The following DACH2 variants were observed in gnomAD, a reference collection of about 807,000 sequenced individuals.
DACH2 encodes dachshund homolog 2.
Under a neutral mutation model 35.8 loss-of-function variants are expected in DACH2, and 17 were observed. The ratio of observed to expected loss-of-function variants is 0.48; its 90% CI spans 0.33 to 0.71. DACH2 has a LOEUF of 0.71. Ranked by LOEUF, DACH2 falls within the 30% of genes least tolerant of loss-of-function variation. DACH2 has a pLI of 0.02. For missense variants in DACH2, 469 were observed against 472.7 expected (o/e 0.99, Z 0.07); for synonymous variants, 195 against 177.3 (o/e 1.10, Z -0.79).
intron 1 of DACH2, among the ~76,000 whole-genome samples, chrX:86,305,351 T>C (rs906503372): frequency 1.8e-5 from 2 of 111,869 alleles, no homozygotes; most frequent in African/African-American, 6.5e-5. Context: ...TAATTTTGTA[T>C]ATATTACACT....
chrX:86,291,630 A>G (rs1433767549), intron 1 of DACH2, among the ~76,000 whole-genome samples: 2 of 108,633 alleles, frequency 1.8e-5, no homozygotes, highest in African/African-American at 6.9e-5. Flanking sequence ...AGTGTTTAGC[A>G]TGAAGGGTTG....
intron 3 of DACH2, among the ~76,000 whole-genome samples, chrX:86,648,736 G>A (rs866599258): frequency 9.1e-6 from 1 of 110,434 alleles, no homozygotes; most frequent in South Asian, 3.8e-4. Context: ...CATTATATAT[G>A]TACAGATTTT....
intron 2 of DACH2, among the ~76,000 whole-genome samples, chrX:86,487,861 CTT>C (rs1181849957): frequency 8.9e-6 from 1 of 111,772 alleles, no homozygotes; most frequent in Non-Finnish European, 1.9e-5. Flanking sequence ...ATTATAACCA[CTT>C]TTCAGTACAA....
chrX:86,564,143 C>T (rs960267862), intron 3 of DACH2, among the ~76,000 whole-genome samples: 7 of 110,402 alleles, frequency 6.3e-5, no homozygotes, highest in Non-Finnish European at 1.3e-4. Context: ...GAGTCAATGC[C>T]GTATTGACAC....
intron 1 of DACH2, among the ~76,000 whole-genome samples, chrX:86,320,763 C>A (rs181401976): frequency 8.0e-5 from 9 of 111,959 alleles, no homozygotes; most frequent in Non-Finnish European, 1.1e-4. Context: ...ATAGTTAAAA[C>A]TTCCAGGGCC....
Position 86,812,859 on chromosome X carries a change from A to T in DACH2, c.1244A>T (p.Glu415Val). 8.4e-7 allele frequency: 1 copy of T among 1,189,795 alleles called. No individual in the cohort carries two copies. The highest frequency in any genetic ancestry group is 1.1e-6 in the Non-Finnish European group (1 of 886,228). The change falls in exon 8 of 12, where the codon GAG becomes GTG. Residue 415 changes from glutamate (E) to valine (V), a missense_variant. By Grantham distance (121) the Glu-to-Val change is moderately radical (BLOSUM62 -2). This residue lies in a region of DACH2 where 363 missense variants were observed against 334.4 expected (regional missense o/e 1.09). Transcript: ENST00000373125. ...GATACTAATTTTGTTTTTGCAGAAG[A>T]GGTACCAGTTCAAATTCCAATAATG... Reference protein sequence around the residue: ...QMDHHLERMEEVPVQIPIMKS... With the variant: ...QMDHHLERMEVVPVQIPIMKS...
intron 1 of DACH2, among the ~76,000 whole-genome samples, chrX:86,282,782 T>G (rs1395592850): frequency 1.2e-4 from 2 of 16,237 alleles, no homozygotes; most frequent in Admixed American, 1.0e-3. Context: ...TTCTTTTTTT[T>G]TTTTTTTTTT....
intron 1 of DACH2, among the ~76,000 whole-genome samples, chrX:86,203,030 G>A (rs1230578091): frequency 9.0e-6 from 1 of 110,794 alleles, no homozygotes; most frequent in Non-Finnish European, 1.9e-5. Flanking sequence ...TAACATTTGG[G>A]AGCATTAAAT....
intron 1 of DACH2, among the ~76,000 whole-genome samples, chrX:86,172,583 A>G (rs1461174241): frequency 8.9e-6 from 1 of 112,272 alleles, no homozygotes; most frequent in Non-Finnish European, 1.9e-5. Flanking sequence ...GGCAGAGCCA[A>G]TTCTTGAATC....
At chrX:86,469,842 T>TTGTGTGTGTG (rs59130472) in intron 2 of DACH2, among the ~76,000 whole-genome samples, 5 of 103,019 alleles carry the variant, frequency 4.9e-5, no homozygotes, top group East Asian at 6.2e-4. Context: ...CTGTGTGTGT[T>TTGTGTGTGTG]TGTGTGTGTG....
At chrX:86,459,584 T>C (rs1292114226) in intron 2 of DACH2, among the ~76,000 whole-genome samples, 1 of 111,577 alleles carries the variant, frequency 9.0e-6, no homozygotes, top group African/African-American at 3.3e-5. Context: ...ATATTAAAGG[T>C]AATTAGAATT....
chrX:86,723,122 A>C (rs931626554), intron 6 of DACH2, among the ~76,000 whole-genome samples: 1 of 111,796 alleles, frequency 8.9e-6, no homozygotes, highest in African/African-American at 3.2e-5. Flanking sequence ...TTACTTCTTC[A>C]TAGTAGTCTC....
intron 6 of DACH2, among the ~76,000 whole-genome samples, chrX:86,718,322 G>A (rs924198620): frequency 9.0e-6 from 1 of 111,151 alleles, no homozygotes; most frequent in African/African-American, 3.3e-5. Context: ...TTTGTACTGG[G>A]ATTATTTTGA....
intron 2 of DACH2, among the ~76,000 whole-genome samples, chrX:86,480,291 T>A (rs1167424896): frequency 8.9e-6 from 1 of 112,179 alleles, no homozygotes; most frequent in African/African-American, 3.2e-5. Flanking sequence ...AGGCAGAGAC[T>A]CTTGTTCTCC....
chrX:86,749,937 TTTA>T (rs2147270197), intron 7 of DACH2, among the ~76,000 whole-genome samples: 1 of 111,673 alleles, frequency 9.0e-6, no homozygotes, highest in Non-Finnish European at 1.9e-5. Context: ...ATTCTTCAAC[TTTA>T]TTAATTTTTT....
At chrX:86,610,207 G>A (rs1027927354) in intron 3 of DACH2, among the ~76,000 whole-genome samples, 2 of 110,716 alleles carry the variant, frequency 1.8e-5, no homozygotes, top group African/African-American at 6.6e-5. Context: ...CATTTCCAAA[G>A]GCAAAGCTGC....
intron 4 of DACH2, among the ~76,000 whole-genome samples, chrX:86,665,365 A>G (rs1050280705): frequency 8.9e-6 from 1 of 111,887 alleles, no homozygotes; most frequent in Non-Finnish European, 1.9e-5. Flanking sequence ...CATAGAAGAG[A>G]CAAAGAGAGG....
intron 3 of DACH2, among the ~76,000 whole-genome samples, chrX:86,623,420 GC>G: frequency 9.0e-6 from 1 of 111,106 alleles, no homozygotes; most frequent in East Asian, 2.8e-4. Flanking sequence ...CTGAACACAA[GC>G]AAATATTAAT....
chrX:86,534,429 T>A (rs1384823502), intron 3 of DACH2, among the ~76,000 whole-genome samples: 1 of 112,341 alleles, frequency 8.9e-6, no homozygotes, highest in African/African-American at 3.2e-5. Flanking sequence ...AGGGAATAAA[T>A]TAGCAAATTA....
Sources: gnomAD v4.1 joint callset for allele counts (sites outside exome capture counted in the v4.1 genomes callset) on GRCh38, gnomAD v4.1.1 for gene constraint, gnomAD v4.1.1 regional missense constraint, MANE v1.5 for transcripts, NCBI Gene and HGNC (gene_info 2026-07-23, HGNC 2026-07-21) for gene names.